Variants in LMLN observed in about 807,000 individuals in gnomAD.
LMLN encodes the protein leishmanolysin-like peptidase.
In LMLN, 70 loss-of-function variants were observed where a neutral mutation model predicts 92.3. The observed-to-expected ratio is 0.76, with a 90% confidence interval of 0.63 to 0.92. LMLN has a LOEUF of 0.92. LMLN is among the 40% of genes least tolerant of loss of function. LMLN has a pLI of 0.00. For synonymous variants in LMLN, 308 were observed against 296.2 expected, an observed-to-expected ratio of 1.04 and a Z score of -0.41; for missense variants, 691 against 814.6, an observed-to-expected ratio of 0.85 and a Z score of 1.85.
intron 14 of LMLN, among the ~76,000 whole-genome samples, chr3:198,027,420 T>C (rs543553116): frequency 1.6e-4 from 24 of 152,320 alleles, no homozygotes; most frequent in Admixed American, 1.4e-3. Flanking sequence ...TGTTTTTACG[T>C]GTATAGTTAA....
chr3:198,037,955 T>C (rs1257050143), intron 15 of LMLN, among the ~76,000 whole-genome samples: 1 of 152,228 alleles, frequency 6.6e-6, no homozygotes, highest in African/African-American at 2.4e-5. Context: ...TCATTATTAA[T>C]AGTCCTCTCG....
chr3:197,976,450 C>T, intron 4 of LMLN, 148 bp from the exon 5 acceptor site: 1 of 543,146 alleles, frequency 1.8e-6, no homozygotes, highest in Non-Finnish European at 3.3e-6. Context: ...CCTATAGAAC[C>T]CAAATTCTTT....
intron 1 of LMLN, among the ~76,000 whole-genome samples, chr3:197,967,228 C>G (rs1335859238): frequency 6.6e-6 from 1 of 152,150 alleles, no homozygotes; most frequent in Non-Finnish European, 1.5e-5. Context: ...ATAATAACTT[C>G]AGGTTTATCG....
At chr3:197,968,382 A>G (rs1190109004) in intron 1 of LMLN, among the ~76,000 whole-genome samples, 1 of 151,996 alleles carries the variant, frequency 6.6e-6, no homozygotes, top group Non-Finnish European at 1.5e-5. Context: ...AGGCAGGAGA[A>G]TGGTGTGAGC....
chr3:197,977,997 T>C (rs1321652340), intron 5 of LMLN, among the ~76,000 whole-genome samples: 3 of 152,136 alleles, frequency 2.0e-5, no homozygotes, highest in Non-Finnish European at 4.4e-5. Context: ...TACACACACG[T>C]TAAATCTGGA....
chr3:197,980,914 T>C (rs1260825614), intron 6 of LMLN, among the ~76,000 whole-genome samples: 1 of 151,220 alleles, frequency 6.6e-6, no homozygotes, highest in East Asian at 2.0e-4. Context: ...GAGACCCGCT[T>C]GGGCAACATA....
At chr3:197,990,145 G>A (rs543120167) in intron 8 of LMLN, among the ~76,000 whole-genome samples, 5 of 151,596 alleles carry the variant, frequency 3.3e-5, no homozygotes, top group Non-Finnish European at 7.4e-5. Flanking sequence ...TTACTGCAGC[G>A]TCAACCTCCT....
chr3:198,002,540 C>G (rs1367580540), intron 11 of LMLN, among the ~76,000 whole-genome samples: 2 of 152,166 alleles, frequency 1.3e-5, no homozygotes, highest in Non-Finnish European at 2.9e-5. Flanking sequence ...GAGTTTGAGA[C>G]CAGTGTGGCA....
intron 11 of LMLN, among the ~76,000 whole-genome samples, chr3:198,002,808 T>A (rs1160208531): frequency 1.3e-5 from 2 of 152,214 alleles, no homozygotes; most frequent in African/African-American, 4.8e-5. Context: ...ATTTAATACC[T>A]CCATCATAAG....
At chr3:198,002,641 GGAA>G (rs1722206368) in intron 11 of LMLN, among the ~76,000 whole-genome samples, 1 of 152,222 alleles carries the variant, frequency 6.6e-6, no homozygotes, top group Non-Finnish European at 1.5e-5. Context: ...GGGAGGCTGA[GGAA>G]GGAGAATCAC....
chr3:197,973,945 A>G (rs1460317471), intron 1 of LMLN, among the ~76,000 whole-genome samples: 2 of 152,200 alleles, frequency 1.3e-5, no homozygotes, highest in African/African-American at 2.4e-5. Flanking sequence ...AATCATGTAA[A>G]TAGTAAATGA....
Position 198,019,182 on chromosome 3 carries a change from TG to T in LMLN, c.1233-70del. ...TTAGGCCAGGATCTGGAATTCCATT[TG>T]TTGGCTGTATAATGGACTTGCAGTA... On this transcript the variant is annotated intron_variant, in intron 11 of 15. Coordinates refer to ENST00000330198, the Ensembl canonical transcript of LMLN. The surrounding 1 kb of genome is among the most constrained non-coding windows in gnomAD (Gnocchi z 5.5). 1 of 1,408,116 alleles carries T rather than the reference TG, an allele frequency of 7.1e-7. No individual in the cohort carries two copies. Among genetic ancestry groups the T allele is most frequent in the East Asian group, 2.4e-5 (1 of 41,862 alleles). 87.2% of individuals were successfully genotyped at this position (1,408,116 alleles called of 1,614,324 possible). A position where few individuals can be genotyped will look rare whatever the true frequency, so the allele number is the denominator to read the frequency against.
At chr3:198,017,824 G>A (rs2109931597) in intron 11 of LMLN, among the ~76,000 whole-genome samples, 1 of 152,286 alleles carries the variant, frequency 6.6e-6, no homozygotes, top group South Asian at 2.1e-4. Flanking sequence ...GGCTGAGGGA[G>A]GAGAATTGCT....
chr3:198,023,732 C>G (rs1722843737), intron 13 of LMLN, among the ~76,000 whole-genome samples: 1 of 152,166 alleles, frequency 6.6e-6, no homozygotes, highest in African/African-American at 2.4e-5. Flanking sequence ...GGTTTAAGAG[C>G]TTTGTCCCTT....
At chr3:198,028,775 C>G (rs1302243837) in intron 14 of LMLN, among the ~76,000 whole-genome samples, 3 of 152,256 alleles carry the variant, frequency 2.0e-5, no homozygotes, top group African/African-American at 7.2e-5. Context: ...TAGTCACTCA[C>G]TTCTCCCTTC....
chr3:198,000,975 G>A (rs1458654425), intron 11 of LMLN, among the ~76,000 whole-genome samples: 2 of 151,926 alleles, frequency 1.3e-5, no homozygotes, highest in East Asian at 3.9e-4. Flanking sequence ...TGTTAATCAA[G>A]ATCCACTACG....
intron 11 of LMLN, among the ~76,000 whole-genome samples, chr3:198,008,804 C>A (rs1722359770): frequency 6.6e-6 from 1 of 152,136 alleles, no homozygotes; most frequent in African/African-American, 2.4e-5. Context: ...TGATTCAGTT[C>A]AAAATATTTT....
chr3:197,978,935 G>A, intron 5 of LMLN, among the ~76,000 whole-genome samples: 1 of 152,118 alleles, frequency 6.6e-6, no homozygotes, highest in East Asian at 1.9e-4. Context: ...GTTGCAGTGA[G>A]CCCAGGTCAC....
Position 197,999,256 on chromosome 3 carries a change from T to G in LMLN, c.1156-10T>G. The G allele has an allele frequency of 6.2e-7, 1 of 1,606,050 alleles. No homozygotes were observed. The highest frequency in any genetic ancestry group is 1.1e-5 in the South Asian group (1 of 90,878). On this transcript the variant is annotated splice_polypyrimidine_tract_variant and intron_variant, in intron 10 of 15. Transcript: ENST00000330198. The stretch of plus-strand genomic sequence containing the variant: ...ATCTAGTCTAATTAAACCCTGTTGG[T>G]GATTTTCAGAATGAAGCGATGACTG...
Sources: gnomAD v4.1 joint callset for allele counts (sites outside exome capture counted in the v4.1 genomes callset) on GRCh38, gnomAD v4.1.1 for gene constraint, Gnocchi (gnomAD v3.1) non-coding constraint, MANE v1.5 for transcripts, NCBI Gene and HGNC (gene_info 2026-07-23, HGNC 2026-07-21) for gene names.